Variants in NCKAP5 observed in about 807,000 individuals in gnomAD.
The protein encoded by NCKAP5 is NCK associated protein 5.
NCKAP5 carries 92 observed loss-of-function variants against 167.0 expected under a neutral mutation model. That is an observed-to-expected ratio of 0.55 (90% confidence interval 0.47 to 0.66). The LOEUF (loss-of-function observed/expected upper bound fraction) is 0.66, where lower values mean the gene tolerates loss of function less well. Ranked by LOEUF, NCKAP5 falls within the 30% of genes least tolerant of loss-of-function variation. The pLI is 0.00. For missense variants in NCKAP5, 2,378 were observed against 2,315.0 expected (o/e 1.03, Z -0.56); for synonymous variants, 891 against 877.4 (o/e 1.02, Z -0.27).
At chr2:133,300,030 G>T (rs1467184642) in intron 4 of NCKAP5, among the ~76,000 whole-genome samples, 1 of 143,264 alleles carries the variant, frequency 7.0e-6, no homozygotes, top group Non-Finnish European at 1.5e-5. Context: ...AAATCTAGAA[G>T]AAATGGATAC....
chr2:133,055,789 C>T (rs2079778109), intron 6 of NCKAP5, among the ~76,000 whole-genome samples: 1 of 152,098 alleles, frequency 6.6e-6, no homozygotes, highest in African/African-American at 2.4e-5. Context: ...CCAGCAATGG[C>T]ACCTGTCCTT....
chr2:133,132,243 C>T (rs1047355822), intron 5 of NCKAP5, among the ~76,000 whole-genome samples: 8 of 150,656 alleles, frequency 5.3e-5, no homozygotes, highest in East Asian at 3.9e-4. Flanking sequence ...GCCGAGATTA[C>T]ACCACTGCAA....
intron 8 of NCKAP5, among the ~76,000 whole-genome samples, chr2:132,887,633 C>A (rs1011838086): frequency 6.6e-6 from 1 of 152,108 alleles, no homozygotes; most frequent in Non-Finnish European, 1.5e-5. Context: ...GCTGCTCTAG[C>A]ATGGAATATG....
In NCKAP5 at chr2:133,086,644, A is replaced by C. The variant is rs183556298; in HGVS notation, c.341+43334T>G. Among the ~76,000 whole-genome samples, 329 of 152,280 alleles carry C rather than the reference A, an allele frequency of 2.2e-3. 1 individual carries two copies. Among genetic ancestry groups the C allele is most frequent in the African/African-American group, 7.6e-3 (314 of 41,564 alleles). On this transcript the variant is annotated intron_variant, in intron 6 of 19. Coordinates refer to ENST00000409261, the MANE Select transcript of NCKAP5 (RefSeq NM_207363.3). The stretch of plus-strand genomic sequence containing the variant: ...GTGACAGAGCAAGACCTTATCTCTA[A>C]AATTATAAATAAAAAAAAATTTCTG...
intron 3 of NCKAP5, among the ~76,000 whole-genome samples, chr2:133,330,982 A>C (rs1201973102): frequency 1.3e-5 from 2 of 152,202 alleles, no homozygotes; most frequent in African/African-American, 4.8e-5. Flanking sequence ...ACATGCACAC[A>C]CACTCCCACT....
At chr2:132,939,189 C>T (rs1435581721) in intron 8 of NCKAP5, among the ~76,000 whole-genome samples, 1 of 152,086 alleles carries the variant, frequency 6.6e-6, no homozygotes, top group Non-Finnish European at 1.5e-5. Context: ...GTCTTCTCCC[C>T]ACAGCTTAAT....
chr2:133,626,813 T>C, the NCKAP5 span, among the ~76,000 whole-genome samples: 1 of 152,018 alleles, frequency 6.6e-6, no homozygotes, highest in East Asian at 1.9e-4. Flanking sequence ...AGGAATTCAC[T>C]ATACTATTTC....
chr2:133,591,669 C>A, the NCKAP5 span, among the ~76,000 whole-genome samples: 2 of 152,188 alleles, frequency 1.3e-5, no homozygotes, highest in African/African-American at 2.4e-5. Flanking sequence ...AACAAAAACA[C>A]CTGGATCCCA....
intron 3 of NCKAP5, among the ~76,000 whole-genome samples, chr2:133,410,231 G>A (rs371124720): frequency 4.6e-5 from 7 of 152,158 alleles, no homozygotes; most frequent in South Asian, 2.1e-4. Context: ...GACATCACAC[G>A]TAAGATAATA....
chr2:133,399,858 G>C (rs1380729458), intron 3 of NCKAP5, among the ~76,000 whole-genome samples: 1 of 151,960 alleles, frequency 6.6e-6, no homozygotes, highest in East Asian at 1.9e-4. Context: ...TGTGAAAACT[G>C]GTCAGTTTAC....
intron 4 of NCKAP5, among the ~76,000 whole-genome samples, chr2:133,235,702 C>T (rs937144469): frequency 2.5e-4 from 38 of 151,938 alleles, no homozygotes; most frequent in African/African-American, 8.0e-4. Context: ...GTTAGGAGTT[C>T]GAGACCAGCC....
In NCKAP5 at chr2:132,996,142, G is replaced by A. The variant is rs76282306; in HGVS notation, c.342-1903C>T. Among the ~76,000 whole-genome samples the A allele has an allele frequency of 6.8e-3, 1,031 of 152,230 alleles. 10 individuals carry two copies. Among genetic ancestry groups the A allele is most frequent in the African/African-American group, 0.024 (992 of 41,548 alleles). Reference sequence around the variant, plus strand: ...ACAGTTTTGCATCCAGTCCACAGTTGACCAAATATCATTATGTGGCACATG... The same window carrying A: ...ACAGTTTTGCATCCAGTCCACAGTTAACCAAATATCATTATGTGGCACATG... On this transcript the variant is annotated intron_variant, in intron 6 of 19. Transcript: ENST00000409261.
chr2:132,803,933 G>T (rs1423449643), intron 11 of NCKAP5, among the ~76,000 whole-genome samples: 3 of 152,136 alleles, frequency 2.0e-5, no homozygotes, highest in Non-Finnish European at 4.4e-5. Flanking sequence ...TAGAGTAAGG[G>T]TGCCATGTAG....
chr2:132,732,424 T>C (rs1283385317), intron 16 of NCKAP5, among the ~76,000 whole-genome samples: 1 of 151,884 alleles, frequency 6.6e-6, no homozygotes, highest in Non-Finnish European at 1.5e-5. Context: ...CCCTAGAATT[T>C]AAAGTGTAAT....
chr2:133,531,274 A>AATT (rs1336574832), intron 2 of NCKAP5, among the ~76,000 whole-genome samples: 1 of 152,166 alleles, frequency 6.6e-6, no homozygotes, highest in Non-Finnish European at 1.5e-5. Context: ...TGCATTAATA[A>AATT]ATTACTTCAA....
the NCKAP5 span, among the ~76,000 whole-genome samples, chr2:133,608,886 T>G: frequency 1.3e-5 from 2 of 152,248 alleles, no homozygotes; most frequent in African/African-American, 4.8e-5. Context: ...ATGCTTCTCC[T>G]GCTACTGCTC....
At chr2:133,608,221 C>T in the NCKAP5 span, among the ~76,000 whole-genome samples, 1 of 152,072 alleles carries the variant, frequency 6.6e-6, no homozygotes, top group African/African-American at 2.4e-5. Flanking sequence ...CCCTTTATAG[C>T]TTTTTCATGT....
intron 19 of NCKAP5, among the ~76,000 whole-genome samples, chr2:132,704,616 T>G (rs1688181540): frequency 6.6e-6 from 1 of 152,222 alleles, no homozygotes; most frequent in African/African-American, 2.4e-5. Flanking sequence ...AACAGTCCTT[T>G]GGAATCTACC....
Position 133,303,984 on chromosome 2 carries a change from C to T in NCKAP5, c.70-874G>A, listed in dbSNP as rs527268889. Reference sequence around the variant, plus strand: ...ATTCCCTTTCTGTTTAGAGGTCTACCGTGCAGGCCTCTGCTTCTACATTAT... The same window carrying T: ...ATTCCCTTTCTGTTTAGAGGTCTACTGTGCAGGCCTCTGCTTCTACATTAT... On this transcript the variant is annotated intron_variant, in intron 3 of 19. Transcript: ENST00000409261. Among the ~76,000 whole-genome samples, 12 of 152,168 alleles carry T rather than the reference C, an allele frequency of 7.9e-5. No individual in the cohort carries two copies. The South Asian group carries it at 1.9e-3, about 24-fold the overall frequency.
Sources: allele counts gnomAD v4.1 joint callset (sites outside exome capture counted in the v4.1 genomes callset), GRCh38; gene constraint gnomAD v4.1.1; transcripts MANE v1.5; gene names NCBI Gene and HGNC (gene_info 2026-07-23, HGNC 2026-07-21).